ATP6V1A: variants seen among roughly 807,000 people sequenced by gnomAD.
ATP6V1A encodes V-type proton ATPase catalytic subunit A.
In ATP6V1A, 18 loss-of-function variants were observed where a neutral mutation model predicts 70.1. That is an observed-to-expected ratio of 0.26 (90% confidence interval 0.18 to 0.38). The LOEUF (loss-of-function observed/expected upper bound fraction) is 0.38, where lower values mean the gene tolerates loss of function less well. Among genes scored for constraint, ATP6V1A ranks in the 10% least tolerant of loss-of-function variants. The pLI is 1.00. For synonymous variants in ATP6V1A, 232 were observed against 253.8 expected (o/e 0.91, Z 0.82); for missense variants, 424 against 772.4 (o/e 0.55, Z 5.35).
chr3:113,791,831 C>T (rs1456122098), intron 8 of ATP6V1A, among the ~76,000 whole-genome samples: 3 of 148,262 alleles, frequency 2.0e-5, no homozygotes, highest in Non-Finnish European at 3.0e-5. Flanking sequence ...CTTCCTGCGA[C>T]TGGCCATGTA....
chr3:113,759,119 C>G (rs1347481756), intron 1 of ATP6V1A, among the ~76,000 whole-genome samples: 9 of 152,076 alleles, frequency 5.9e-5, no homozygotes, highest in Non-Finnish European at 1.3e-4. Flanking sequence ...TTTGTTCTAA[C>G]AATGTTTTTT....
At position 113,808,921 on chromosome 3, in the gene ATP6V1A, C is replaced by T. The variant is rs1365130488; in HGVS notation, c.1762-414C>T. ...CCTCCTGCCTGTGGTTTACCAGTGT[C>T]CCTCACTAAACCTAGTACTCAAAAT... On this transcript the variant is annotated intron_variant, in intron 14 of 14. Transcript: ENST00000273398. Among the ~76,000 whole-genome samples the T allele has an allele frequency of 5.3e-5, 8 of 152,164 alleles. No homozygotes were observed. The South Asian group carries it at 1.7e-3, about 32-fold the overall frequency.
chr3:113,786,929 C>T (rs1406557334), intron 6 of ATP6V1A, among the ~76,000 whole-genome samples: 2 of 152,118 alleles, frequency 1.3e-5, no homozygotes, highest in Non-Finnish European at 2.9e-5. Flanking sequence ...CAGGCATGCA[C>T]CACCACACCT....
At chr3:113,784,161 G>A in intron 3 of ATP6V1A, 63 bp from the exon 4 acceptor site, 1 of 1,458,980 alleles carries the variant, frequency 6.9e-7, no homozygotes, top group South Asian at 1.2e-5. Flanking sequence ...TTAAACTGTG[G>A]TATTTCCTGT....
At chr3:113,756,390 A>G (rs902398971) in intron 1 of ATP6V1A, among the ~76,000 whole-genome samples, 7 of 152,226 alleles carry the variant, frequency 4.6e-5, no homozygotes, top group African/African-American at 1.7e-4. Context: ...TGTCAAAGGT[A>G]AGTACAATTT....
At chr3:113,762,281 A>G (rs1275657386) in intron 1 of ATP6V1A, among the ~76,000 whole-genome samples, 1 of 150,468 alleles carries the variant, frequency 6.6e-6, no homozygotes, top group Non-Finnish European at 1.5e-5. Flanking sequence ...AAAAATTGGT[A>G]AAGTTGGCTG....
intron 1 of ATP6V1A, among the ~76,000 whole-genome samples, chr3:113,754,794 T>A (rs1033068752): frequency 1.2e-4 from 18 of 152,228 alleles, no homozygotes; most frequent in Admixed American, 1.0e-3. Flanking sequence ...TTAAGAAAAC[T>A]TTAAACAAGA....
At position 113,803,564 on chromosome 3, in the gene ATP6V1A, A is replaced by C. The variant is rs1292068524; in HGVS notation, c.1495-19A>C. The C allele has an allele frequency of 7.7e-6, 12 of 1,554,850 alleles. No individual in the cohort carries two copies. The highest frequency in any genetic ancestry group is 9.7e-6 in the Non-Finnish European group (11 of 1,135,316). ...TACATTTTAGAGTAAATGTCTAAAAATATCTTTTTCTCTTCTAGGCTTCTT... is the reference window on the plus strand; with the variant it reads ...TACATTTTAGAGTAAATGTCTAAAACTATCTTTTTCTCTTCTAGGCTTCTT... On this transcript the variant is annotated intron_variant, in intron 12 of 14. Coordinates refer to ENST00000273398, the MANE Select transcript of ATP6V1A (RefSeq NM_001690.4).
intron 1 of ATP6V1A, among the ~76,000 whole-genome samples, chr3:113,776,682 C>G (rs1708915733): frequency 6.6e-6 from 1 of 152,166 alleles, no homozygotes; most frequent in Non-Finnish European, 1.5e-5. Flanking sequence ...TAATAGTTCT[C>G]CCTCAATCTT....
chr3:113,797,813 A>G (rs1030205812), intron 11 of ATP6V1A, among the ~76,000 whole-genome samples: 2 of 152,056 alleles, frequency 1.3e-5, no homozygotes, highest in African/African-American at 4.8e-5. Context: ...ATATACTAAA[A>G]CGATGTATAA....
chr3:113,782,218 A>T (rs1379024305), intron 3 of ATP6V1A, among the ~76,000 whole-genome samples: 1 of 152,214 alleles, frequency 6.6e-6, no homozygotes, highest in Non-Finnish European at 1.5e-5. Flanking sequence ...TCATCTAGAA[A>T]TTTTAAATAA....
chr3:113,747,601 T>G (rs1390981503), intron 1 of ATP6V1A, among the ~76,000 whole-genome samples: 1 of 152,160 alleles, frequency 6.6e-6, no homozygotes, highest in African/African-American at 2.4e-5. Flanking sequence ...AGAGTCACTG[T>G]GAAGCTTCCC....
At chr3:113,753,622 G>A (rs1172059447) in intron 1 of ATP6V1A, among the ~76,000 whole-genome samples, 12 of 151,994 alleles carry the variant, frequency 7.9e-5, no homozygotes, top group Admixed American at 7.9e-4. Flanking sequence ...GTGATTAAAT[G>A]GTAGGAGTTA....
intron 7 of ATP6V1A, 42 bp from the exon 8 acceptor site, chr3:113,789,690 C>A: frequency 6.9e-7 from 1 of 1,440,464 alleles, no homozygotes; most frequent in Non-Finnish European, 9.7e-7. Flanking sequence ...TAAAATGTTA[C>A]CTTAGAAATT....
chr3:113,806,976 T>G (rs1222657194), intron 14 of ATP6V1A, among the ~76,000 whole-genome samples: 4 of 152,002 alleles, frequency 2.6e-5, no homozygotes, highest in African/African-American at 4.8e-5. Flanking sequence ...ATAAAAATTT[T>G]TAAATTATAT....
At chr3:113,754,158 T>A (rs954883077) in intron 1 of ATP6V1A, among the ~76,000 whole-genome samples, 1 of 152,206 alleles carries the variant, frequency 6.6e-6, no homozygotes, top group East Asian at 1.9e-4. Flanking sequence ...GGCACTAAGA[T>A]GATTTACTTT....
rs1416603894 is a variant in ATP6V1A, at chr3:113,803,626, A to T, written c.1538A>T (p.Lys513Ile). Residue 513 changes from lysine to isoleucine, a missense_variant, in exon 13 of 15, where the codon AAA (lysine) becomes ATA (isoleucine). By Grantham distance (102) the Lys-to-Ile change is moderately radical (BLOSUM62 -3). This residue lies in a region of ATP6V1A where 127 missense variants were observed against 207.9 expected (regional missense o/e 0.61). Coordinates refer to ENST00000273398, the MANE Select transcript of ATP6V1A (RefSeq NM_001690.4). ...ETDKITLEVA[K>I]LIKDDFLQQN... The stretch of plus-strand genomic sequence containing the variant: ...GATAAAATCACTCTGGAGGTAGCAA[A>T]ACTTATCAAAGATGATTTCCTACAA... The T allele has an allele frequency of 6.2e-7, 1 of 1,612,400 alleles. No individual in the cohort carries two copies. The highest frequency in any genetic ancestry group is 1.1e-5 in the South Asian group (1 of 90,948).
intron 1 of ATP6V1A, among the ~76,000 whole-genome samples, chr3:113,750,497 A>G (rs547111242): frequency 6.6e-6 from 1 of 152,138 alleles, no homozygotes; most frequent in Non-Finnish European, 1.5e-5. Context: ...AAACAAAAAC[A>G]AAAACAAAAA....
intron 1 of ATP6V1A, among the ~76,000 whole-genome samples, chr3:113,761,408 A>G (rs1318589503): frequency 2.0e-5 from 3 of 151,330 alleles, no homozygotes; most frequent in Non-Finnish European, 4.4e-5. Context: ...AAATTTGCTC[A>G]GTAACGAGAG....
Sources: gnomAD v4.1 joint callset for allele counts (sites outside exome capture counted in the v4.1 genomes callset) on GRCh38, gnomAD v4.1.1 for gene constraint, gnomAD v4.1.1 regional missense constraint, MANE v1.5 for transcripts, NCBI Gene and HGNC (gene_info 2026-07-23, HGNC 2026-07-21) for gene names.